GPD1L: variants seen among roughly 807,000 people sequenced by gnomAD.
GPD1L encodes glycerol-3-phosphate dehydrogenase 1-like protein.
GPD1L carries 17 observed loss-of-function variants against 32.9 expected under a neutral mutation model. The ratio of observed to expected loss-of-function variants is 0.52; its 90% CI spans 0.35 to 0.78. The LOEUF is 0.78. Among genes scored for constraint, GPD1L ranks in the 30% least tolerant of loss-of-function variants. The probability of loss-of-function intolerance (pLI) is 0.01; values close to 1 mark genes in which losing one functional copy is unlikely to be tolerated. For synonymous variants in GPD1L, 187 were observed against 165.9 expected, an observed-to-expected ratio of 1.13 and a Z score of -0.98; for missense variants, 361 against 447.8, an observed-to-expected ratio of 0.81 and a Z score of 1.75.
At position 32,154,834 on chromosome 3, in the gene GPD1L, G is replaced by A. The variant is rs368947292; in HGVS notation, c.619-4042G>A. On this transcript the variant is annotated intron_variant, in intron 5 of 7. Coordinates refer to ENST00000282541, the MANE Select transcript of GPD1L (RefSeq NM_015141.4). ...ATGATCTCGGCTCACTGCAACCTCC[G>A]CCTCCCCAGCTCAAGTGATCCTTCC... 5.9e-4 allele frequency among the ~76,000 whole-genome samples: 90 copies of A among 151,436 alleles called. No individual in the cohort carries two copies. The East Asian group carries it at 0.014, about 24-fold the overall frequency.
chr3:32,128,145 GA>G lies in GPD1L; in HGVS notation c.118del (p.Met40CysfsTer8). The G allele has an allele frequency of 6.2e-7, 1 of 1,610,280 alleles. No homozygotes were observed. Among genetic ancestry groups the G allele is most frequent in the Non-Finnish European group, 8.5e-7 (1 of 1,176,494 alleles). The part of the protein sequence containing the change: ...KLQKFASTVK[M>X]WVFEETVNGR... ...TTCAGAAATTTGCCTCCACAGTCAA[GA>G]TGTGGGTCTTTGAAGAAACAGTGAA... On this transcript the variant is annotated frameshift_variant, in exon 2 of 8. Transcript: ENST00000282541. LOFTEE classifies it high-confidence loss of function.
rs553376841 is a variant in GPD1L at position 32,143,209 on chromosome 3, A to T, written c.505+2843A>T. On this transcript the variant is annotated intron_variant, in intron 4 of 7. Coordinates refer to ENST00000282541, the MANE Select transcript of GPD1L (RefSeq NM_015141.4). ...TACCCTGTCTCTTTAAAAAAAAAAAATTTAAGTAAAACATTGAAAGTAAGA... is the reference window on the plus strand; with the variant it reads ...TACCCTGTCTCTTTAAAAAAAAAAATTTTAAGTAAAACATTGAAAGTAAGA... 5.3e-5 allele frequency among the ~76,000 whole-genome samples: 8 copies of T among 152,136 alleles called. No individual in the cohort carries two copies. The East Asian group carries it at 9.7e-4, about 18-fold the overall frequency.
chr3:32,128,203 G>T lies in GPD1L; in HGVS notation c.175G>T (p.Asp59Tyr). 1.2e-6 allele frequency: 2 copies of T among 1,613,732 alleles called. No homozygotes were observed. The highest frequency in any genetic ancestry group is 2.2e-5 in the South Asian group (2 of 91,032). Residue 59 changes from aspartate (D) to tyrosine (Y), a missense_variant, in exon 2 of 8, where the codon GAC becomes TAC. Asp to Tyr is a radical substitution (Grantham distance 160, BLOSUM62 -3). Coordinates refer to ENST00000282541, the MANE Select transcript of GPD1L (RefSeq NM_015141.4). ...GRKLTDIINNDHENVKYLPGH... is the reference protein window; with the variant it reads ...GRKLTDIINNYHENVKYLPGH... ...AAAACTGACAGACATCATAAATAATGACCATGAAAATGTAAAATATCTTCC... is the reference window on the plus strand; with the variant it reads ...AAAACTGACAGACATCATAAATAATTACCATGAAAATGTAAAATATCTTCC...
chr3:32,116,086 C>T (rs1700329849), intron 1 of GPD1L, among the ~76,000 whole-genome samples: 1 of 152,056 alleles, frequency 6.6e-6, no homozygotes, highest in Non-Finnish European at 1.5e-5. Flanking sequence ...CCGTGCCCGG[C>T]CAGGTTGAAC....
rs561967862 is a variant in GPD1L, at chr3:32,167,305, A to C, written c.*1395A>C. ...CATTTTTCTAGCCTAGCAAGTCCCA[A>C]ACACATTACACTGAAGAGATTTTGG... On this transcript the variant is annotated 3_prime_UTR_variant, in exon 8 of 8. Transcript: ENST00000282541. 1 of 152,270 alleles carries C rather than the reference A, an allele frequency of 6.6e-6. No homozygotes were observed. The highest frequency in any genetic ancestry group is 2.4e-5 in the African/African-American group (1 of 41,440). 9.4% of individuals were successfully genotyped at this position (152,270 alleles called of 1,614,324 possible). A position where few individuals can be genotyped will look rare whatever the true frequency, so the allele number is the denominator to read the frequency against.
At chr3:32,144,994 G>A (rs1027924135) in intron 4 of GPD1L, among the ~76,000 whole-genome samples, 18 of 150,490 alleles carry the variant, frequency 1.2e-4, no homozygotes, top group Non-Finnish European at 2.5e-4. Flanking sequence ...ATGAGCCACC[G>A]CGCTGGCTTA....
Position 32,127,920 on chromosome 3 carries a change from AGTTTCAAATG to A in GPD1L, c.48-154_48-145del, listed in dbSNP as rs141509082. ...GTGGTATTCCATGTGAAAACAACTA[AGTTTCAAATG>A]GCTTGGGGCTGATACACGTCACATC... On this transcript the variant is annotated intron_variant, in intron 1 of 7. Transcript: ENST00000282541. Among the ~76,000 whole-genome samples, 4,524 of 152,238 alleles carry A rather than the reference AGTTTCAAATG, an allele frequency of 0.03. 208 individuals are homozygous for A. The highest frequency in any genetic ancestry group is 0.1 in the African/African-American group (4,280 of 41,510).
At chr3:32,159,465 TAAA>T (rs35234737) in intron 6 of GPD1L, 100 bp from the exon 7 acceptor site, 699 of 604,324 alleles carry the variant, frequency 1.2e-3, no homozygotes, top group Non-Finnish European at 1.4e-3. Context: ...ACCCATTCTC[TAAA>T]AAAAAAAAAA....
intron 1 of GPD1L, among the ~76,000 whole-genome samples, chr3:32,110,222 T>C (rs552019573): frequency 8.3e-4 from 127 of 152,364 alleles, no homozygotes; most frequent in African/African-American, 2.9e-3. Context: ...CCGGCCTAAA[T>C]CGTGTTTCTT....
At chr3:32,107,605 A>G (rs1700182812) in intron 1 of GPD1L, among the ~76,000 whole-genome samples, 1 of 152,116 alleles carries the variant, frequency 6.6e-6, no homozygotes, top group East Asian at 1.9e-4. Flanking sequence ...ACTGGTGTAC[A>G]ATAGTTAAGA....
At position 32,164,201 on chromosome 3, in the gene GPD1L, G is replaced by T. The variant is rs1183667372; in HGVS notation, c.960-1613G>T. On this transcript the variant is annotated intron_variant, in intron 7 of 7. Coordinates refer to ENST00000282541, the MANE Select transcript of GPD1L (RefSeq NM_015141.4). ...GGAGAAGCAGGTTGGAAATGGCTTTGGATGGCCAGTCATCTGCTACCACAC... is the reference window on the plus strand; with the variant it reads ...GGAGAAGCAGGTTGGAAATGGCTTTTGATGGCCAGTCATCTGCTACCACAC... Among the ~76,000 whole-genome samples the T allele has an allele frequency of 2.0e-5, 3 of 152,160 alleles. 1 individual carries two copies. The highest frequency in any genetic ancestry group is 2.0e-4 in the Admixed American group (3 of 15,278).
chr3:32,120,821 C>T (rs147441619), intron 1 of GPD1L, among the ~76,000 whole-genome samples: 11 of 152,240 alleles, frequency 7.2e-5, no homozygotes, highest in East Asian at 3.9e-4. Flanking sequence ...TAAAAACAGG[C>T]GTCCATTCCT....
chr3:32,154,283 G>A (rs1000442439), intron 5 of GPD1L, among the ~76,000 whole-genome samples: 4 of 152,140 alleles, frequency 2.6e-5, no homozygotes, highest in Non-Finnish European at 5.9e-5. Context: ...AAGCTTTGGG[G>A]TGGTCTAGAC....
chr3:32,138,757 G>C, intron 3 of GPD1L, 30 bp downstream of exon 3: 2 of 1,611,612 alleles, frequency 1.2e-6, no homozygotes, highest in Non-Finnish European at 1.7e-6. Context: ...CCCAGGGCTA[G>C]ACATTGGTTA....
chr3:32,131,097 T>C (rs1402976786), intron 2 of GPD1L, among the ~76,000 whole-genome samples: 1 of 152,216 alleles, frequency 6.6e-6, no homozygotes, highest in Non-Finnish European at 1.5e-5. Flanking sequence ...TCCTGTTTTC[T>C]AGCTCTATTT....
intron 1 of GPD1L, among the ~76,000 whole-genome samples, chr3:32,115,633 C>T (rs1421122626): frequency 2.0e-5 from 3 of 152,102 alleles, no homozygotes; most frequent in African/African-American, 7.2e-5. Context: ...AGAACTCTAA[C>T]CTAATAGCCC....
At chr3:32,111,178 C>G (rs1700240798) in intron 1 of GPD1L, among the ~76,000 whole-genome samples, 1 of 152,180 alleles carries the variant, frequency 6.6e-6, no homozygotes, top group South Asian at 2.1e-4. Context: ...AAGTTTCTTT[C>G]TTTTAACCAG....
intron 4 of GPD1L, among the ~76,000 whole-genome samples, chr3:32,142,672 G>A (rs1286498527): frequency 1.3e-5 from 2 of 152,240 alleles, no homozygotes; most frequent in East Asian, 3.9e-4. Flanking sequence ...AGTTCATTCT[G>A]GAAGACTAAA....
intron 1 of GPD1L, among the ~76,000 whole-genome samples, chr3:32,126,311 A>G (rs1425645223): frequency 6.6e-6 from 1 of 152,190 alleles, no homozygotes; most frequent in African/African-American, 2.4e-5. Flanking sequence ...AGGCAGCTGT[A>G]AAGGGGAAAG....
Sources: gnomAD v4.1 joint callset for allele counts (sites outside exome capture counted in the v4.1 genomes callset) on GRCh38, gnomAD v4.1.1 for gene constraint, MANE v1.5 for transcripts, NCBI Gene and HGNC (gene_info 2026-07-23, HGNC 2026-07-21) for gene names.